Variants in EGFR observed in about 807,000 individuals in gnomAD.
EGFR encodes the protein avian erythroblastic leukemia viral (v-erb-b) oncogene homolog.
A neutral mutation model predicts 143.0 loss-of-function variants in EGFR; 58 were observed. The observed-to-expected ratio is 0.41, with a 90% confidence interval of 0.33 to 0.50. The LOEUF (loss-of-function observed/expected upper bound fraction) is 0.50. EGFR is among the 20% of genes least tolerant of loss of function. The pLI is 0.39. For synonymous variants in EGFR, 613 were observed against 594.4 expected, an observed-to-expected ratio of 1.03 and a Z score of -0.45; for missense variants, 1,307 against 1,579.0, an observed-to-expected ratio of 0.83 and a Z score of 2.92.
intron 1 of EGFR, among the ~76,000 whole-genome samples, chr7:55,115,160 C>A (rs1217398046): frequency 6.6e-6 from 1 of 152,118 alleles, no homozygotes; most frequent in East Asian, 1.9e-4. Context: ...TTATATTATT[C>A]TTTAAATTCA....
intron 1 of EGFR, among the ~76,000 whole-genome samples, chr7:55,108,999 G>A (rs1450335966): frequency 6.6e-6 from 1 of 152,172 alleles, no homozygotes; most frequent in Non-Finnish European, 1.5e-5. Flanking sequence ...TACATTGTGA[G>A]GACGGTCATT....
chr7:55,171,290 C>A (rs1346645512), intron 16 of EGFR, 77 bp downstream of exon 16: 1 of 1,576,594 alleles, frequency 6.3e-7, no homozygotes, highest in East Asian at 2.2e-5. Flanking sequence ...TGCTTTCCTG[C>A]ATTTCTGACT....
intron 15 of EGFR, among the ~76,000 whole-genome samples, chr7:55,168,156 T>C (rs1329864022): frequency 6.6e-6 from 1 of 152,248 alleles, no homozygotes; most frequent in Non-Finnish European, 1.5e-5. Context: ...CGATGAAGCA[T>C]GGTATAAAAG....
At chr7:55,094,805 G>A (rs1791344904) in intron 1 of EGFR, among the ~76,000 whole-genome samples, 1 of 152,306 alleles carries the variant, frequency 6.6e-6, no homozygotes, top group Non-Finnish European at 1.5e-5. Flanking sequence ...TTACTGTACA[G>A]ACTCTAGACA....
intron 19 of EGFR, among the ~76,000 whole-genome samples, chr7:55,177,490 A>G (rs1332792981): frequency 1.3e-5 from 2 of 152,154 alleles, no homozygotes; most frequent in South Asian, 2.1e-4. Context: ...CCCCAGTTCC[A>G]TGTTGCTAGC....
chr7:55,079,569 C>T (rs1489498808), intron 1 of EGFR, among the ~76,000 whole-genome samples: 1 of 150,606 alleles, frequency 6.6e-6, no homozygotes, highest in African/African-American at 2.4e-5. Flanking sequence ...TTTTGTTCAG[C>T]ATGGATTTTA....
At chr7:55,166,833 C>G (rs1467284085) in intron 15 of EGFR, among the ~76,000 whole-genome samples, 1 of 56,262 alleles carries the variant, frequency 1.8e-5, no homozygotes, top group Non-Finnish European at 3.4e-5. Context: ...ACAATGGTGG[C>G]AGTGTTGGTG....
chr7:55,198,320 T>C (rs1787705619), intron 22 of EGFR, among the ~76,000 whole-genome samples: 1 of 152,334 alleles, frequency 6.6e-6, no homozygotes, highest in East Asian at 1.9e-4. Flanking sequence ...TGCATCTTCC[T>C]CATTCTGCAG....
At chr7:55,130,585 G>C (rs1222051460) in intron 1 of EGFR, among the ~76,000 whole-genome samples, 1 of 152,110 alleles carries the variant, frequency 6.6e-6, no homozygotes, top group Non-Finnish European at 1.5e-5. Context: ...CTTAAAAGGA[G>C]GATTTCAGTT....
At chr7:55,171,896 A>G (rs1292123397) in intron 16 of EGFR, among the ~76,000 whole-genome samples, 2 of 152,200 alleles carry the variant, frequency 1.3e-5, no homozygotes, top group Non-Finnish European at 1.5e-5. Context: ...CATCTCTGGT[A>G]ACATTTACAA....
rs1014299306 is a variant in EGFR at position 55,157,730 on chromosome 7, C to T, written c.1275C>T (p.Ile425=). 2.1e-5 allele frequency: 34 copies of T among 1,614,128 alleles called. No individual in the cohort carries two copies. The highest frequency in any genetic ancestry group is 2.7e-5 in the Non-Finnish European group (32 of 1,180,046). The change falls in exon 11 of 28, where the codon ATC becomes ATT. Residue 425 remains isoleucine, a synonymous_variant. Coordinates refer to ENST00000275493, the MANE Select transcript of EGFR (RefSeq NM_005228.5). ...TDLHAFENLE[I]IRGRTKQHGQ... is the part of the protein sequence containing the mutation. ...TCCATGCCTTTGAGAACCTAGAAAT[C>T]ATACGCGGCAGGACCAAGCAACAGT...
In EGFR at chr7:55,161,588, A is replaced by G. The variant is rs2128942953; in HGVS notation, c.1588A>G (p.Ser530Gly). 6.2e-7 allele frequency: 1 copy of G among 1,614,266 alleles called. No individual in the cohort carries two copies. The highest frequency in any genetic ancestry group is 8.5e-7 in the Non-Finnish European group (1 of 1,180,036). The part of the protein sequence containing the change: ...PRDCVSCRNV[S>G]RGRECVDKCN... ...GGACTGCGTCTCTTGCCGGAATGTCAGCCGAGGCAGGGAATGCGTGGACAA... is the reference window on the plus strand; with the variant it reads ...GGACTGCGTCTCTTGCCGGAATGTCGGCCGAGGCAGGGAATGCGTGGACAA... The change falls in exon 13 of 28, where the codon AGC becomes GGC. Residue 530 changes from serine (S) to glycine (G), a missense_variant. Physicochemically the swap from Ser to Gly is moderately conservative, Grantham distance 56. This residue lies in a region of EGFR where 250 missense variants were observed against 295.1 expected (regional missense o/e 0.85). Transcript: ENST00000275493.
chr7:55,201,038 G>A (rs563961689), intron 24 of EGFR, 150 bp from the exon 25 acceptor site: 1 of 918,658 alleles, frequency 1.1e-6, no homozygotes, highest in African/African-American at 1.6e-5. Context: ...AGGGGAGGCA[G>A]CTATAATTTA....
intron 1 of EGFR, among the ~76,000 whole-genome samples, chr7:55,081,148 A>G (rs548551410): frequency 6.6e-6 from 1 of 152,314 alleles, no homozygotes; most frequent in African/African-American, 2.4e-5. Flanking sequence ...CAGCAATTTA[A>G]TTTGAACAGA....
chr7:55,174,929 A>G lies in EGFR; in HGVS notation c.2283+109A>G, dbSNP rs116067838. 3.4e-4 allele frequency: 287 copies of G among 843,460 alleles called. No homozygotes were observed. In the African/African-American group the frequency reaches 3.4e-3, roughly 10 times the overall value. The allele number at this position is 843,460 out of a possible 1,614,324, so 52.2% of individuals were successfully genotyped here. A position where few individuals can be genotyped will look rare whatever the true frequency, so the allele number is the denominator to read the frequency against. ...TAGACCCTGCTCATCTCCACATCCTAAATGTTCACTTTCTATGTCTTTCCC... is the reference window on the plus strand; with the variant it reads ...TAGACCCTGCTCATCTCCACATCCTGAATGTTCACTTTCTATGTCTTTCCC... On this transcript the variant is annotated intron_variant, in intron 19 of 27. Coordinates refer to ENST00000275493, the MANE Select transcript of EGFR (RefSeq NM_005228.5).
intron 1 of EGFR, among the ~76,000 whole-genome samples, chr7:55,043,602 A>T (rs7807517): frequency 0.13 from 14,447 of 111,520 alleles, 1,303 homozygotes; most frequent in African/African-American, 0.33. Context: ...CCTCAAGAGA[A>T]CCGCCCCCTT....
At chr7:55,163,971 G>A in intron 14 of EGFR, 148 bp downstream of exon 14, 1 of 837,630 alleles carries the variant, frequency 1.2e-6, no homozygotes, top group African/African-American at 1.7e-5. Flanking sequence ...TGACAGCGCT[G>A]TCCGGGCAGG....
At chr7:55,155,704 A>G in intron 7 of EGFR, 126 bp from the exon 8 acceptor site, 1 of 793,938 alleles carries the variant, frequency 1.3e-6, no homozygotes, top group Non-Finnish European at 2.3e-6. Context: ...CTTTGTCCTT[A>G]AAGTAAATAA....
intron 1 of EGFR, among the ~76,000 whole-genome samples, chr7:55,065,822 C>T (rs1289374297): frequency 2.8e-5 from 4 of 141,624 alleles, no homozygotes; most frequent in South Asian, 2.2e-4. Context: ...TAGTAAGTGA[C>T]TAAGTGGCTT....
Sources: allele counts gnomAD v4.1 joint callset (sites outside exome capture counted in the v4.1 genomes callset), GRCh38; gene constraint gnomAD v4.1.1; regional missense constraint gnomAD v4.1.1; transcripts MANE v1.5; gene names NCBI Gene and HGNC (gene_info 2026-07-23, HGNC 2026-07-21).